FOXN3: variants seen among roughly 807,000 people sequenced by gnomAD.
The protein encoded by FOXN3 is forkhead box protein N3.
In FOXN3, 7 loss-of-function variants were observed where a neutral mutation model predicts 38.4. That is an observed-to-expected ratio of 0.18 (90% CI 0.10 to 0.34). FOXN3 has a LOEUF of 0.34. Ranked by LOEUF, FOXN3 falls within the 10% of genes least tolerant of loss-of-function variation. The probability of loss-of-function intolerance (pLI) is 1.00; values close to 1 mark genes in which losing one functional copy is unlikely to be tolerated. For synonymous variants in FOXN3, 230 were observed against 242.2 expected (o/e 0.95, Z 0.47); for missense variants, 456 against 613.4 (o/e 0.74, Z 2.71).
chr14:89,560,167 A>G (rs1895218208), intron 1 of FOXN3, among the ~76,000 whole-genome samples: 1 of 152,116 alleles, frequency 6.6e-6, no homozygotes, highest in Non-Finnish European at 1.5e-5. Context: ...CCCAGCTTTA[A>G]ATAACCAGAT....
chr14:89,332,751 C>CA lies in FOXN3; in HGVS notation c.680+17920dup, dbSNP rs1390897031. Among the ~76,000 whole-genome samples the CA allele has an allele frequency of 2.6e-5, 4 of 152,002 alleles. No individual in the cohort carries two copies. The East Asian group carries it at 7.7e-4, about 29-fold the overall frequency. On this transcript the variant is annotated intron_variant, in intron 3 of 5. Coordinates refer to ENST00000557258, the MANE Select transcript of FOXN3 (RefSeq NM_005197.4). Reference sequence around the variant, plus strand: ...TTTGTACAGCAAAGGAAATAGTCTACAAAATGAAAAAGGCAACCTACAGGA... The same window carrying CA: ...TTTGTACAGCAAAGGAAATAGTCTACAAAAATGAAAAAGGCAACCTACAGGA...
At chr14:89,305,125 T>C (rs1457934430) in intron 3 of FOXN3, among the ~76,000 whole-genome samples, 1 of 152,152 alleles carries the variant, frequency 6.6e-6, no homozygotes, top group African/African-American at 2.4e-5. Context: ...GAGGAAGGCC[T>C]GGCCAGCACC....
intron 1 of FOXN3, among the ~76,000 whole-genome samples, chr14:89,577,632 A>G (rs530803486): frequency 6.6e-6 from 1 of 152,118 alleles, no homozygotes; most frequent in East Asian, 1.9e-4. Context: ...GTTAACCACC[A>G]GCTTCAAACA....
At chr14:89,413,242 A>G (rs2140098075) in intron 1 of FOXN3, among the ~76,000 whole-genome samples, 1 of 152,194 alleles carries the variant, frequency 6.6e-6, no homozygotes, top group South Asian at 2.1e-4. Flanking sequence ...AAGGTCTCCC[A>G]CTCTCCGTAG....
chr14:89,603,830 G>C (rs1242874846), intron 1 of FOXN3, among the ~76,000 whole-genome samples: 1 of 152,124 alleles, frequency 6.6e-6, no homozygotes, highest in Non-Finnish European at 1.5e-5. Context: ...AACTTAGCAA[G>C]ACACAGGGGA....
intron 2 of FOXN3, among the ~76,000 whole-genome samples, chr14:89,360,765 A>ACCACCAC (rs1566966433): frequency 1.8e-3 from 117 of 65,856 alleles, no homozygotes; most frequent in Non-Finnish European, 2.3e-3. Context: ...CACCTCCACC[A>ACCACCAC]CTACCACCTC....
chr14:89,213,954 C>T (rs933351118), intron 4 of FOXN3, among the ~76,000 whole-genome samples: 24 of 152,262 alleles, frequency 1.6e-4, no homozygotes, highest in African/African-American at 5.3e-4. Flanking sequence ...ACAGATGGGT[C>T]TTTACTCAAT....
intron 1 of FOXN3, among the ~76,000 whole-genome samples, chr14:89,458,030 C>CAAA (rs11445763): frequency 1.2e-3 from 66 of 53,276 alleles, no homozygotes; most frequent in African/African-American, 1.6e-3. Context: ...AACTCCATCT[C>CAAA]AAAAAAAAAA....
intron 1 of FOXN3, among the ~76,000 whole-genome samples, chr14:89,566,260 T>A (rs1234566442): frequency 6.6e-6 from 1 of 152,176 alleles, no homozygotes; most frequent in Admixed American, 6.5e-5. Flanking sequence ...CTGACTCTTT[T>A]AAGAACGGCT....
chr14:89,568,416 C>T (rs182906918), intron 1 of FOXN3, among the ~76,000 whole-genome samples: 47 of 152,266 alleles, frequency 3.1e-4, no homozygotes, highest in South Asian at 8.3e-4. Flanking sequence ...CTGCCCCTGA[C>T]CACCTCCCCG....
At chr14:89,224,579 G>A (rs2139846097) in intron 4 of FOXN3, among the ~76,000 whole-genome samples, 1 of 152,162 alleles carries the variant, frequency 6.6e-6, no homozygotes, top group East Asian at 1.9e-4. Context: ...TGTGTGGCAG[G>A]TACTATACCA....
intron 2 of FOXN3, among the ~76,000 whole-genome samples, chr14:89,388,487 C>T (rs1890851855): frequency 6.6e-6 from 1 of 152,094 alleles, no homozygotes; most frequent in South Asian, 2.1e-4. Flanking sequence ...GCCTAGGAAG[C>T]CAGGAGAATG....
intron 4 of FOXN3, among the ~76,000 whole-genome samples, chr14:89,267,463 G>T (rs888666656): frequency 1.3e-5 from 2 of 152,184 alleles, no homozygotes; most frequent in Admixed American, 1.3e-4. Context: ...GCTCTGGCTG[G>T]GGGAGGGGAA....
intron 1 of FOXN3, among the ~76,000 whole-genome samples, chr14:89,555,080 C>T (rs1194414246): frequency 6.6e-6 from 1 of 151,878 alleles, no homozygotes; most frequent in African/African-American, 2.4e-5. Context: ...CATAAGCCAC[C>T]ACACTCAGCC....
chr14:89,574,075 A>G (rs1383117061), intron 1 of FOXN3, among the ~76,000 whole-genome samples: 1 of 152,206 alleles, frequency 6.6e-6, no homozygotes, highest in Non-Finnish European at 1.5e-5. Context: ...CTTAGTAGCA[A>G]AGAGGAGTCA....
At chr14:89,429,012 C>T (rs1336038343) in intron 1 of FOXN3, among the ~76,000 whole-genome samples, 12 of 152,186 alleles carry the variant, frequency 7.9e-5, no homozygotes, top group Admixed American at 7.9e-4. Flanking sequence ...TCCCCACATA[C>T]CAGCCTCCCA....
intron 1 of FOXN3, among the ~76,000 whole-genome samples, chr14:89,528,325 C>T (rs968945359): frequency 1.5e-5 from 2 of 136,058 alleles, no homozygotes; most frequent in African/African-American, 5.5e-5. Flanking sequence ...TGGAATACTA[C>T]ACAGCAATAA....
intron 3 of FOXN3, among the ~76,000 whole-genome samples, chr14:89,283,694 T>C (rs778363419): frequency 2.6e-5 from 4 of 151,772 alleles, no homozygotes; most frequent in Non-Finnish European, 5.9e-5. Flanking sequence ...CCATGAGAAA[T>C]GACCATGGGG....
intron 3 of FOXN3, among the ~76,000 whole-genome samples, chr14:89,339,186 C>A (rs1348028286): frequency 6.6e-6 from 1 of 152,158 alleles, no homozygotes; most frequent in Non-Finnish European, 1.5e-5. Flanking sequence ...GTTGGCCAGG[C>A]TGGTCTCAAA....
Sources: gnomAD v4.1 joint callset for allele counts (sites outside exome capture counted in the v4.1 genomes callset) on GRCh38, gnomAD v4.1.1 for gene constraint, MANE v1.5 for transcripts, NCBI Gene and HGNC (gene_info 2026-07-23, HGNC 2026-07-21) for gene names.